ARHGAP22: variants seen among roughly 807,000 people sequenced by gnomAD.
The protein encoded by ARHGAP22 is rho GTPase-activating protein 22.
A neutral mutation model predicts 59.1 loss-of-function variants in ARHGAP22; 48 were observed. The observed-to-expected ratio is 0.81, with a 90% CI of 0.64 to 1.03. The LOEUF (loss-of-function observed/expected upper bound fraction) is 1.03. ARHGAP22 is among the 50% of genes least tolerant of loss of function. The pLI is 0.00. For synonymous variants in ARHGAP22, 445 were observed against 416.4 expected, an observed-to-expected ratio of 1.07 and a Z score of -0.84; for missense variants, 1,015 against 958.7, an observed-to-expected ratio of 1.06 and a Z score of -0.78.
At chr10:48,460,169 AGCCAGGAGCAAATG>A (rs2047001959) in intron 4 of ARHGAP22, among the ~76,000 whole-genome samples, 1 of 152,182 alleles carries the variant, frequency 6.6e-6, no homozygotes, top group Admixed American at 6.5e-5. Context: ...AGCTTGCCCA[AGCCAGGAGCAAATG>A]GCCCTTGGGA....
In ARHGAP22 at chr10:48,479,630, C is replaced by A. The variant is rs1476232024; in HGVS notation, c.451+6G>T. On this transcript the variant is annotated splice_donor_region_variant and intron_variant, in intron 4 of 9. Transcript: ENST00000249601. The stretch of plus-strand genomic sequence containing the variant: ...AGAGGGTGGGCATGCGATCTACGGG[C>A]AGTACCTCCGCCCAGCGGGGCCCAG... The A allele has an allele frequency of 1.9e-6, 3 of 1,613,782 alleles. No individual in the cohort carries two copies. Among genetic ancestry groups the A allele is most frequent in the Non-Finnish European group, 2.5e-6 (3 of 1,179,976 alleles).
At chr10:48,572,979 T>C (rs951159899) in intron 2 of ARHGAP22, among the ~76,000 whole-genome samples, 1 of 152,184 alleles carries the variant, frequency 6.6e-6, no homozygotes, top group African/African-American at 2.4e-5. Flanking sequence ...TCTTTGGGAT[T>C]ATCTACCATG....
At chr10:48,507,523 T>C (rs1221663160) in intron 3 of ARHGAP22, among the ~76,000 whole-genome samples, 5 of 152,260 alleles carry the variant, frequency 3.3e-5, no homozygotes, top group African/African-American at 7.2e-5. Flanking sequence ...GTTAGCCTTT[T>C]GGGGAAAGGG....
chr10:48,499,455 G>A (rs1358029682), intron 3 of ARHGAP22, among the ~76,000 whole-genome samples: 3 of 152,236 alleles, frequency 2.0e-5, no homozygotes, highest in Admixed American at 1.3e-4. Context: ...TTTGTTAAAT[G>A]AGAACAGGTG....
chr10:48,455,940 T>C (rs977038164), intron 5 of ARHGAP22, among the ~76,000 whole-genome samples: 2 of 151,850 alleles, frequency 1.3e-5, no homozygotes, highest in Non-Finnish European at 2.9e-5. Flanking sequence ...GCCCCAGGAG[T>C]CCACTCCAGG....
At chr10:48,652,185 CA>C (rs748602420) in intron 1 of ARHGAP22, 385 of 1,504,720 alleles carry the variant, frequency 2.6e-4, no homozygotes, top group Non-Finnish European at 3.3e-4. Context: ...AGCAAGAAGT[CA>C]AATGCAAAGG....
At chr10:48,554,130 C>G (rs990166919) in intron 3 of ARHGAP22, among the ~76,000 whole-genome samples, 2 of 152,176 alleles carry the variant, frequency 1.3e-5, no homozygotes, top group African/African-American at 4.8e-5. Flanking sequence ...AAAGGAATAC[C>G]CAAGTGAAAC....
chr10:48,431,460 G>A, the ARHGAP22 span, among the ~76,000 whole-genome samples: 4 of 152,094 alleles, frequency 2.6e-5, no homozygotes, highest in African/African-American at 9.7e-5. Context: ...CTGTTCATAA[G>A]ATGCACATCT....
intron 3 of ARHGAP22, among the ~76,000 whole-genome samples, chr10:48,525,118 T>G (rs1209029514): frequency 6.6e-6 from 1 of 152,178 alleles, no homozygotes; most frequent in African/African-American, 2.4e-5. Context: ...GAAGCTGCTT[T>G]ATTAAAACTA....
chr10:48,449,168 C>G (rs1045107854), intron 9 of ARHGAP22, among the ~76,000 whole-genome samples: 2 of 152,230 alleles, frequency 1.3e-5, no homozygotes, highest in Admixed American at 6.5e-5. Context: ...GTAGTTTGGT[C>G]TGTGAGCTCA....
At chr10:48,462,524 A>T (rs2047247113) in intron 4 of ARHGAP22, among the ~76,000 whole-genome samples, 1 of 152,208 alleles carries the variant, frequency 6.6e-6, no homozygotes, top group South Asian at 2.1e-4. Context: ...CAACCCAGGC[A>T]GTCTGGCTCC....
chr10:48,446,941 C>T (rs1483380793), intron 9 of ARHGAP22, among the ~76,000 whole-genome samples: 1 of 152,218 alleles, frequency 6.6e-6, no homozygotes. Flanking sequence ...AGGAACAGTA[C>T]AGGCCCCTGC....
Position 48,454,994 on chromosome 10 carries a change from C to G in ARHGAP22, c.792+8G>C, listed in dbSNP as rs1275623956. 3.2e-6 allele frequency: 5 copies of G among 1,586,468 alleles called. No homozygotes were observed. Among genetic ancestry groups the G allele is most frequent in the Non-Finnish European group, 4.3e-6 (5 of 1,162,174 alleles). On this transcript the variant is annotated splice_region_variant and intron_variant, in intron 6 of 9. Transcript: ENST00000249601. ...ATCTCCCAGGAGCTATCCCCAGGAG[C>G]CACTGACCTCCCCCTCGTCCTTGGT...
chr10:48,592,843 T>G (rs1357366191), intron 1 of ARHGAP22, among the ~76,000 whole-genome samples: 1 of 152,244 alleles, frequency 6.6e-6, no homozygotes, highest in Non-Finnish European at 1.5e-5. Context: ...TCACCCGAGT[T>G]ACTGCTGCAG....
At chr10:48,577,262 T>C (rs999152149) in intron 2 of ARHGAP22, among the ~76,000 whole-genome samples, 3 of 152,210 alleles carry the variant, frequency 2.0e-5, no homozygotes, top group Non-Finnish European at 2.9e-5. Flanking sequence ...ACAGTAGTTT[T>C]GTATAACAGT....
chr10:48,648,479 C>T (rs1481129186), intron 1 of ARHGAP22, among the ~76,000 whole-genome samples: 1 of 152,158 alleles, frequency 6.6e-6, no homozygotes, highest in Non-Finnish European at 1.5e-5. Flanking sequence ...CTCACTGTTT[C>T]TCGGGCCTCT....
chr10:48,438,197 T>A, the ARHGAP22 span: 2 of 152,228 alleles, frequency 1.3e-5, no homozygotes, highest in Admixed American at 1.3e-4. Flanking sequence ...CCAGTAAACT[T>A]CTCTTACCAG....
intron 3 of ARHGAP22, 37 bp downstream of exon 3, chr10:48,555,426 C>A: frequency 6.3e-7 from 1 of 1,598,840 alleles, no homozygotes; most frequent in South Asian, 1.1e-5. Context: ...GCAACACCCC[C>A]ACCAGGGCTG....
At chr10:48,506,695 C>T (rs1420920877) in intron 3 of ARHGAP22, among the ~76,000 whole-genome samples, 2 of 152,130 alleles carry the variant, frequency 1.3e-5, no homozygotes, top group Non-Finnish European at 2.9e-5. Context: ...TGCGCCCCCA[C>T]CAAGGCAGCC....
Sources: allele counts gnomAD v4.1 joint callset (sites outside exome capture counted in the v4.1 genomes callset), GRCh38; gene constraint gnomAD v4.1.1; transcripts MANE v1.5; gene names NCBI Gene and HGNC (gene_info 2026-07-23, HGNC 2026-07-21).